Variants in CST8 observed in about 807,000 individuals in gnomAD.
CST8 encodes the protein cystatin 8, also known as cystatin-8.
Under a neutral mutation model 11.8 loss-of-function variants are expected in CST8, and 20 were observed. That is an observed-to-expected ratio of 1.70 (90% confidence interval 1.20 to 2.47). The LOEUF is 2.47. Ranked by LOEUF, CST8 falls within the 30% of genes most tolerant of loss-of-function variation. The pLI is 0.00. For missense variants in CST8, 196 were observed against 167.2 expected (o/e 1.17, Z -0.95); for synonymous variants, 77 against 63.1 (o/e 1.22, Z -1.05).
the CST8 span, among the ~76,000 whole-genome samples, chr20:23,506,229 C>T: frequency 6.6e-6 from 1 of 152,262 alleles, no homozygotes; most frequent in South Asian, 2.1e-4. Context: ...TTAGGGCTCA[C>T]TGGGAAACAA....
At chr20:23,506,252 G>A in the CST8 span, among the ~76,000 whole-genome samples, 9 of 152,250 alleles carry the variant, frequency 5.9e-5, no homozygotes, top group East Asian at 5.8e-4. Flanking sequence ...CGGACACACC[G>A]GGAAACACAG....
intron 2 of CST8, 34 bp downstream of exon 2, chr20:23,491,932 C>T (rs779991491): frequency 1.3e-6 from 2 of 1,522,840 alleles, no homozygotes; most frequent in Non-Finnish European, 1.8e-6. Flanking sequence ...TGGACATTTG[C>T]ATATGGTGGC....
At chr20:23,493,112 C>A in intron 3 of CST8, 41 bp downstream of exon 3, 1 of 1,243,742 alleles carries the variant, frequency 8.0e-7, no homozygotes, top group Non-Finnish European at 1.2e-6. Context: ...CTAGGCAGCT[C>A]TGAACCCAAG....
chr20:23,497,630 A>G (rs1271952757), downstream of CST8, among the ~76,000 whole-genome samples: 1 of 152,230 alleles, frequency 6.6e-6, no homozygotes, highest in East Asian at 1.9e-4. Context: ...ACAGTTTCAC[A>G]TGGTTGAGGA....
chr20:23,496,112 G>T, downstream of CST8: 1 of 565,138 alleles, frequency 1.8e-6, no homozygotes, highest in South Asian at 2.4e-5. Flanking sequence ...ACACAGCCAC[G>T]CACCTTTGTT....
chr20:23,501,194 A>G, the CST8 span, among the ~76,000 whole-genome samples: 1 of 152,142 alleles, frequency 6.6e-6, no homozygotes, highest in East Asian at 1.9e-4. Context: ...CTGACCTGGG[A>G]TTTCCCCTCA....
Position 23,491,485 on chromosome 20 carries a change from A to T in CST8, c.-143-40A>T, listed in dbSNP as rs942184002. 25 of 603,178 alleles carry T rather than the reference A, an allele frequency of 4.1e-5. No homozygotes were observed. In the South Asian group the frequency reaches 4.8e-4, roughly 12 times the overall value. The allele number at this position is 603,178 out of a possible 1,614,324, so 37.4% of individuals were successfully genotyped here. Reference sequence around the variant, plus strand: ...GGTTTCCATGGAGAAAGAGAGGACAAACCCCAAAGAGTGACCCTAATGGCC... The same window carrying T: ...GGTTTCCATGGAGAAAGAGAGGACATACCCCAAAGAGTGACCCTAATGGCC... On this transcript the variant is annotated intron_variant, in intron 1 of 3. Coordinates refer to ENST00000246012, the MANE Select transcript of CST8 (RefSeq NM_005492.4).
downstream of CST8, among the ~76,000 whole-genome samples, chr20:23,500,233 T>G (rs1398295417): frequency 6.6e-6 from 1 of 152,064 alleles, no homozygotes; most frequent in Non-Finnish European, 1.5e-5. Flanking sequence ...AACATGAGAC[T>G]TGGAAGGGAC....
chr20:23,496,109 C>G, downstream of CST8: 1 of 568,500 alleles, frequency 1.8e-6, no homozygotes, highest in Non-Finnish European at 3.1e-6. Context: ...CGAACACAGC[C>G]ACGCACCTTT....
At chr20:23,501,744 A>G in the CST8 span, among the ~76,000 whole-genome samples, 2 of 152,232 alleles carry the variant, frequency 1.3e-5, no homozygotes, top group African/African-American at 4.8e-5. Flanking sequence ...ATTACCAGAT[A>G]GGAACATTTT....
downstream of CST8, among the ~76,000 whole-genome samples, chr20:23,500,116 G>A (rs77578305): frequency 3.3e-5 from 5 of 152,026 alleles, no homozygotes; most frequent in South Asian, 8.3e-4. Context: ...TCAATCTTAC[G>A]GTGGGAAACT....
chr20:23,505,516 G>A, the CST8 span, among the ~76,000 whole-genome samples: 1 of 89,806 alleles, frequency 1.1e-5, no homozygotes, highest in Non-Finnish European at 2.3e-5. Context: ...TTAGAAAGTA[G>A]GAGAGGAAAA....
At chr20:23,500,896 GA>G (rs916547058), downstream of CST8, among the ~76,000 whole-genome samples, 78 of 152,046 alleles carry the variant, frequency 5.1e-4, no homozygotes, top group African/African-American at 1.8e-3. Flanking sequence ...ACTCCGTCTA[GA>G]AAAAAAATTG....
chr20:23,496,131 T>A, downstream of CST8: 1 of 532,352 alleles, frequency 1.9e-6, no homozygotes, highest in Non-Finnish European at 3.3e-6. Context: ...TTCAGCTTGA[T>A]GGTCTACCCA....
chr20:23,497,474 G>C (rs1169856150), downstream of CST8, among the ~76,000 whole-genome samples: 3 of 152,242 alleles, frequency 2.0e-5, no homozygotes, highest in Non-Finnish European at 4.4e-5. Flanking sequence ...GGGGACCCCT[G>C]TGACAGAACT....
chr20:23,491,404 C>G, intron 1 of CST8, 62 bp downstream of exon 1: 1 of 516,762 alleles, frequency 1.9e-6, no homozygotes, highest in Non-Finnish European at 3.5e-6. Flanking sequence ...ACAGATTGCT[C>G]TCAGGGTAAG....
chr20:23,498,793 G>A (rs1988119103), downstream of CST8, among the ~76,000 whole-genome samples: 1 of 152,172 alleles, frequency 6.6e-6, no homozygotes, highest in Admixed American at 6.5e-5. Context: ...ATTAATACAT[G>A]TATCCTGATT....
rs1333263344 is a variant in CST8, at chr20:23,491,729, G to C, written c.62G>C (p.Arg21Thr). The change falls in exon 2 of 4, where the codon AGG (arginine) becomes ACG (threonine). Residue 21 changes from arginine (R) to threonine (T), a missense_variant. Transcript: ENST00000246012. ...ACCATTCCCCTGGCCCTGGTGGCCA[G>C]GAAAGACCCAAAAAAGAATGAGACA... ...LLTIPLALVA[R>T]KDPKKNETGV... 4 of 1,614,070 alleles carry C rather than the reference G, an allele frequency of 2.5e-6. No homozygotes were observed. The East Asian group carries it at 8.9e-5, about 36-fold the overall frequency.
At chr20:23,494,646 T>TCTAC (rs1484829732) in intron 3 of CST8, among the ~76,000 whole-genome samples, 2 of 152,216 alleles carry the variant, frequency 1.3e-5, no homozygotes, top group Non-Finnish European at 2.9e-5. Context: ...TACCCATCTA[T>TCTAC]CTACCCATCC....
Sources: allele counts gnomAD v4.1 joint callset (sites outside exome capture counted in the v4.1 genomes callset), GRCh38; gene constraint gnomAD v4.1.1; transcripts MANE v1.5; gene names NCBI Gene and HGNC (gene_info 2026-07-23, HGNC 2026-07-21).